Variants in MGA observed in about 807,000 individuals in gnomAD.
MGA encodes the protein MAX dimerization protein MGA.
Under a neutral mutation model 261.1 loss-of-function variants are expected in MGA, and 40 were observed. The observed-to-expected ratio is 0.15, with a 90% CI of 0.12 to 0.20. The LOEUF is 0.20. Among genes scored for constraint, MGA ranks in the 10% least tolerant of loss-of-function variants. The probability of loss-of-function intolerance (pLI) is 1.00; values close to 1 mark genes in which losing one functional copy is unlikely to be tolerated. For synonymous variants in MGA, 1,302 were observed against 1,290.6 expected, an observed-to-expected ratio of 1.01 and a Z score of -0.19; for missense variants, 3,397 against 3,630.5, an observed-to-expected ratio of 0.94 and a Z score of 1.65.
intron 13 of MGA, among the ~76,000 whole-genome samples, chr15:41,738,045 G>A (rs1017400985): frequency 6.6e-6 from 1 of 152,020 alleles, no homozygotes; most frequent in African/African-American, 2.4e-5. Flanking sequence ...TTATTGCAAA[G>A]TTAGCTTGAC....
rs550695024 is a variant in MGA, at chr15:41,767,994, G to A, written c.*714G>A. On this transcript the variant is annotated 3_prime_UTR_variant, in exon 24 of 24. Coordinates refer to ENST00000219905, the MANE Select transcript of MGA (RefSeq NM_001164273.2). The stretch of plus-strand genomic sequence containing the variant: ...TTATTATTTTTGTGGGCATTGAAAA[G>A]CTCATTTCACAGTACCAGAGATTTT... 6.6e-6 allele frequency: 1 copy of A among 152,520 alleles called. No homozygotes were observed. Among genetic ancestry groups the A allele is most frequent in the Non-Finnish European group, 1.5e-5 (1 of 68,012 alleles). 9.4% of individuals were successfully genotyped at this position (152,520 alleles called of 1,614,324 possible).
At chr15:41,689,593 T>A (rs997031899) in intron 2 of MGA, among the ~76,000 whole-genome samples, 2 of 150,990 alleles carry the variant, frequency 1.3e-5, no homozygotes, top group Middle Eastern at 3.2e-3. Context: ...TGAGATAGAG[T>A]CTCACTCTGT....
At chr15:41,748,611 C>G in intron 15 of MGA, 26 bp from the exon 16 acceptor site, 4 of 1,600,752 alleles carry the variant, frequency 2.5e-6, no homozygotes, top group Non-Finnish European at 3.4e-6. Flanking sequence ...AATTTGGGTA[C>G]CATGTTTCCA....
At chr15:41,759,807 C>T (rs184972787) in intron 19 of MGA, among the ~76,000 whole-genome samples, 42 of 152,102 alleles carry the variant, frequency 2.8e-4, no homozygotes, top group Admixed American at 2.4e-3. Flanking sequence ...AATCTAGGTA[C>T]AGGTAAAAAG....
rs1595750037 is a variant in MGA, at chr15:41,694,408, A to G, written c.1065-1667A>G. ...GCAAGACCCCATCTCAGGGAAAAAA[A>G]AAGTGACTGATCAGAAGAAAATATT... On this transcript the variant is annotated intron_variant, in intron 2 of 23. Transcript: ENST00000219905. Among the ~76,000 whole-genome samples the G allele has an allele frequency of 3.9e-5, 6 of 152,304 alleles. No homozygotes were observed. In the South Asian group the frequency reaches 1.2e-3, roughly 32 times the overall value.
chr15:41,656,643 G>C (rs1314052837), upstream of MGA, among the ~76,000 whole-genome samples: 1 of 152,030 alleles, frequency 6.6e-6, no homozygotes, highest in Non-Finnish European at 1.5e-5. Flanking sequence ...TTACAGGCAT[G>C]AGCCAGTGGG....
Position 41,707,733 on chromosome 15 carries a change from T to A in MGA, c.2194T>A (p.Leu732Ile). The A allele has an allele frequency of 6.2e-7, 1 of 1,603,200 alleles. No homozygotes were observed. The highest frequency in any genetic ancestry group is 1.1e-5 in the South Asian group (1 of 88,206). The change falls in exon 6 of 24, where the codon TTA becomes ATA. Residue 732 changes from leucine (L) to isoleucine (I), a missense_variant. Physicochemically the swap from Leu to Ile is conservative, Grantham distance 5. This residue lies in a region of MGA where 19 missense variants were observed against 44.7 expected (regional missense o/e 0.43). Transcript: ENST00000219905. ...GATTTCCTTTTTTCTTTTAGTGGGC[T>A]TAAAATTGAATTCAGTGGATCCAAC...
intron 15 of MGA, among the ~76,000 whole-genome samples, chr15:41,747,404 A>G (rs2062566524): frequency 6.6e-6 from 1 of 152,114 alleles, no homozygotes; most frequent in African/African-American, 2.4e-5. Context: ...TTTAATTTTA[A>G]AGTTAAATTG....
At chr15:41,742,463 A>C in intron 14 of MGA, 83 bp from the exon 15 acceptor site, 1 of 1,494,156 alleles carries the variant, frequency 6.7e-7, no homozygotes. Flanking sequence ...CCAGTAGTGC[A>C]CAGTAAATGT....
intron 15 of MGA, among the ~76,000 whole-genome samples, chr15:41,745,813 C>A (rs1449319937): frequency 6.6e-6 from 1 of 152,100 alleles, no homozygotes; most frequent in Non-Finnish European, 1.5e-5. Flanking sequence ...GCTGTGTTGT[C>A]CAGGCTGGTC....
chr15:41,742,435 T>C (rs2062168339), intron 14 of MGA, 111 bp from the exon 15 acceptor site: 1 of 1,252,432 alleles, frequency 8.0e-7, no homozygotes, highest in African/African-American at 1.5e-5. Context: ...AGGTAGGTAG[T>C]ACCTGTAAGA....
chr15:41,625,548 T>C (rs1177024845), intron 1 of MGA, among the ~76,000 whole-genome samples: 1 of 151,352 alleles, frequency 6.6e-6, no homozygotes, highest in Non-Finnish European at 1.5e-5. Context: ...ACCTTGTCTC[T>C]ACGAGAAATA....
At chr15:41,708,351 C>T (rs943380856) in intron 7 of MGA, 143 bp downstream of exon 7, 4 of 664,442 alleles carry the variant, frequency 6.0e-6, no homozygotes, top group Admixed American at 2.9e-5. Context: ...GAGTTTTGCT[C>T]TTGTTGCCCA....
intron 5 of MGA, among the ~76,000 whole-genome samples, chr15:41,705,470 T>A (rs1473009814): frequency 6.6e-6 from 1 of 152,112 alleles, no homozygotes; most frequent in Non-Finnish European, 1.5e-5. Context: ...CAAGCAGTCC[T>A]CCCACCTCAG....
intron 9 of MGA, 120 bp downstream of exon 9, chr15:41,713,616 C>G (rs2060486635): frequency 1.7e-6 from 2 of 1,185,864 alleles, no homozygotes; most frequent in East Asian, 5.2e-5. Flanking sequence ...TTTGAGACTT[C>G]TTATTATCCT....
At chr15:41,667,374 T>A (rs2057806423) in intron 1 of MGA, among the ~76,000 whole-genome samples, 1 of 151,958 alleles carries the variant, frequency 6.6e-6, no homozygotes, top group East Asian at 1.9e-4. Context: ...GCCTCCCGAG[T>A]ACCTGGGATT....
chr15:41,728,124 G>T (rs2061339950), intron 10 of MGA, among the ~76,000 whole-genome samples: 1 of 152,062 alleles, frequency 6.6e-6, no homozygotes, highest in African/African-American at 2.4e-5. Flanking sequence ...GAGGTCAGGA[G>T]TTCGACACCA....
At chr15:41,639,793 C>T (rs1396947769) in intron 1 of MGA, among the ~76,000 whole-genome samples, 2 of 152,112 alleles carry the variant, frequency 1.3e-5, no homozygotes, top group African/African-American at 4.8e-5. Flanking sequence ...CGTGATCTGC[C>T]TGCCTTGGCC....
chr15:41,685,154 A>C (rs2058888527), intron 2 of MGA, among the ~76,000 whole-genome samples: 1 of 152,190 alleles, frequency 6.6e-6, no homozygotes, highest in African/African-American at 2.4e-5. Context: ...ACATGCTGTG[A>C]AGGGTCAGGG....
Sources: gnomAD v4.1 joint callset for allele counts (sites outside exome capture counted in the v4.1 genomes callset) on GRCh38, gnomAD v4.1.1 for gene constraint, gnomAD v4.1.1 regional missense constraint, MANE v1.5 for transcripts, NCBI Gene and HGNC (gene_info 2026-07-23, HGNC 2026-07-21) for gene names.